Variants in DOCK3 observed in about 807,000 individuals in gnomAD.
DOCK3 encodes dedicator of cytokinesis 3, also known as dedicator of cytokinesis protein 3.
In DOCK3, 60 loss-of-function variants were observed where a neutral mutation model predicts 265.6. The observed-to-expected ratio is 0.23, with a 90% CI of 0.18 to 0.28. The LOEUF (loss-of-function observed/expected upper bound fraction) is 0.28. Ranked by LOEUF, DOCK3 falls within the 10% of genes least tolerant of loss-of-function variation. DOCK3 has a pLI of 1.00. For missense variants in DOCK3, 1,981 were observed against 2,594.3 expected (o/e 0.76, Z 5.14); for synonymous variants, 881 against 938.0 (o/e 0.94, Z 1.11).
intron 23 of DOCK3, among the ~76,000 whole-genome samples, chr3:51,264,407 T>G (rs1021251943): frequency 1.6e-4 from 25 of 152,186 alleles, no homozygotes; most frequent in African/African-American, 5.3e-4. Flanking sequence ...AAGCAGTGTT[T>G]AGAGAGAAAT....
At chr3:51,379,069 A>G (rs2088377590) in intron 51 of DOCK3, among the ~76,000 whole-genome samples, 1 of 152,182 alleles carries the variant, frequency 6.6e-6, no homozygotes, top group South Asian at 2.1e-4. Flanking sequence ...AGACTTTGGC[A>G]AGGAGCTCTA....
intron 1 of DOCK3, among the ~76,000 whole-genome samples, chr3:50,770,866 A>G (rs2108469725): frequency 6.6e-6 from 1 of 152,356 alleles, no homozygotes; most frequent in Middle Eastern, 3.4e-3. Flanking sequence ...TATGGAAAAG[A>G]CAGTCTCTTC....
chr3:51,242,999 C>T (rs1307330373), intron 21 of DOCK3, among the ~76,000 whole-genome samples: 1 of 152,180 alleles, frequency 6.6e-6, no homozygotes, highest in Non-Finnish European at 1.5e-5. Context: ...ACATGGGGCC[C>T]CCAGGTCACC....
At chr3:51,293,856 A>G (rs1377811337) in intron 27 of DOCK3, among the ~76,000 whole-genome samples, 6 of 152,226 alleles carry the variant, frequency 3.9e-5, no homozygotes, top group African/African-American at 1.4e-4. Flanking sequence ...AAAATGCTCA[A>G]TATTTCTAGT....
Position 51,091,356 on chromosome 3 carries a change from GA to G in DOCK3, c.746+977del, listed in dbSNP as rs533162391. Among the ~76,000 whole-genome samples the G allele has an allele frequency of 1.2e-4, 19 of 152,196 alleles. No individual in the cohort carries two copies. In the South Asian group the frequency reaches 3.5e-3, roughly 28 times the overall value. ...ATCCTTTCTTCAAGCTACATTTTAT[GA>G]AAAAGTCCAATATATGAAACAGATA... On this transcript the variant is annotated intron_variant, in intron 9 of 52. Transcript: ENST00000266037.
At chr3:50,814,009 G>T (rs1011852189) in intron 2 of DOCK3, among the ~76,000 whole-genome samples, 2 of 151,932 alleles carry the variant, frequency 1.3e-5, no homozygotes, top group Non-Finnish European at 2.9e-5. Flanking sequence ...GTATGGGCAC[G>T]GTTTCTTTTC....
intron 32 of DOCK3, among the ~76,000 whole-genome samples, chr3:51,319,392 T>C (rs6445622): frequency 0.87 from 130,064 of 149,120 alleles, 56,812 homozygotes; most frequent in East Asian, 0.94. Flanking sequence ...TGCACAACAC[T>C]TGATAAAAAA....
At chr3:51,277,913 C>T (rs1346204469) in intron 26 of DOCK3, 159 bp downstream of exon 26, 3 of 985,262 alleles carry the variant, frequency 3.0e-6, no homozygotes, top group Admixed American at 6.2e-5. Flanking sequence ...GTCTGACTCT[C>T]CTCTCTACTC....
chr3:51,255,192 GC>G (rs1320442303), intron 22 of DOCK3, among the ~76,000 whole-genome samples: 1 of 152,146 alleles, frequency 6.6e-6, no homozygotes, highest in Non-Finnish European at 1.5e-5. Context: ...TTGAATATTG[GC>G]CCCCACTCTC....
intron 1 of DOCK3, among the ~76,000 whole-genome samples, chr3:50,777,227 G>T (rs1460487631): frequency 6.6e-6 from 1 of 151,944 alleles, no homozygotes; most frequent in African/African-American, 2.4e-5. Flanking sequence ...TTATGTTTTT[G>T]TATGCTTTGT....
chr3:50,710,169 A>G (rs977812275), intron 1 of DOCK3, among the ~76,000 whole-genome samples: 3 of 152,216 alleles, frequency 2.0e-5, no homozygotes, highest in African/African-American at 7.2e-5. Context: ...AATAGATGGG[A>G]CCTAATTAAA....
intron 25 of DOCK3, among the ~76,000 whole-genome samples, chr3:51,276,979 A>G (rs1047151442): frequency 1.3e-5 from 2 of 152,196 alleles, no homozygotes; most frequent in Non-Finnish European, 2.9e-5. Context: ...GGCCAGAGAA[A>G]GATGCACTGA....
At position 51,100,557 on chromosome 3, in the gene DOCK3, G is replaced by A. The variant is rs141182207; in HGVS notation, c.746+10173G>A. Reference sequence around the variant, plus strand: ...GCGTATCCAAGGCAGACGCAAAGCAGCTAGCAACAAAGGCTAAAAGAAAAC... The same window carrying A: ...GCGTATCCAAGGCAGACGCAAAGCAACTAGCAACAAAGGCTAAAAGAAAAC... On this transcript the variant is annotated intron_variant, in intron 9 of 52. Transcript: ENST00000266037. Among the ~76,000 whole-genome samples the A allele has an allele frequency of 1.5e-3, 228 of 152,288 alleles. 1 individual carries two copies. The highest frequency in any genetic ancestry group is 5.6e-3 in the South Asian group (27 of 4,828).
chr3:51,254,313 C>A (rs1012784943), intron 22 of DOCK3, among the ~76,000 whole-genome samples: 1 of 152,108 alleles, frequency 6.6e-6, no homozygotes, highest in Non-Finnish European at 1.5e-5. Context: ...GGAATAAGTG[C>A]AATGTGGTGC....
intron 4 of DOCK3, among the ~76,000 whole-genome samples, chr3:50,907,802 AGC>A (rs1277859651): frequency 2.0e-5 from 3 of 152,002 alleles, no homozygotes; most frequent in Middle Eastern, 3.2e-3. Context: ...TTATGATGTT[AGC>A]TGGTACCAGC....
At chr3:51,182,700 GAGAGGTTTTGATCTTTA>G (rs2087372181) in intron 12 of DOCK3, among the ~76,000 whole-genome samples, 1 of 152,204 alleles carries the variant, frequency 6.6e-6, no homozygotes, top group African/African-American at 2.4e-5. Context: ...ATGGTGTAAT[GAGAGGTTTTGATCTTTA>G]TTGCCCTGGA....
intron 12 of DOCK3, among the ~76,000 whole-genome samples, chr3:51,200,088 A>G (rs1279169694): frequency 6.6e-6 from 1 of 152,074 alleles, no homozygotes; most frequent in Non-Finnish European, 1.5e-5. Flanking sequence ...TGGGGAAAAA[A>G]CAGAGCAGAA....
chr3:51,215,423 G>A (rs1276368627), intron 14 of DOCK3, among the ~76,000 whole-genome samples: 1 of 152,132 alleles, frequency 6.6e-6, no homozygotes, highest in Non-Finnish European at 1.5e-5. Context: ...GAGCCACTGC[G>A]CCTGGCCTCA....
In DOCK3 at chr3:51,114,866, A is replaced by C. The variant is rs149714884; in HGVS notation, c.746+24482A>C. On this transcript the variant is annotated intron_variant, in intron 9 of 52. Coordinates refer to ENST00000266037, the MANE Select transcript of DOCK3 (RefSeq NM_004947.5). ...CCCCTCCCTGTGCCCATATTTTCTC[A>C]TTGTTCAGCTCCCACTTACGAGTGA... Among the ~76,000 whole-genome samples the C allele has an allele frequency of 2.1e-4, 30 of 144,028 alleles. No homozygotes were observed. The East Asian group carries it at 6.1e-3, about 29-fold the overall frequency. 94.5% of individuals were successfully genotyped at this position (144,028 alleles called of 152,430 possible).
Sources: allele counts gnomAD v4.1 joint callset (sites outside exome capture counted in the v4.1 genomes callset), GRCh38; gene constraint gnomAD v4.1.1; transcripts MANE v1.5; gene names NCBI Gene and HGNC (gene_info 2026-07-23, HGNC 2026-07-21).